CAMK4: variants seen among roughly 807,000 people sequenced by gnomAD.
CAMK4 encodes the protein calcium/calmodulin dependent protein kinase IV.
A neutral mutation model predicts 44.9 loss-of-function variants in CAMK4; 22 were observed. That is an observed-to-expected ratio of 0.49 (90% CI 0.35 to 0.70). The LOEUF (loss-of-function observed/expected upper bound fraction) is 0.70. Among genes scored for constraint, CAMK4 ranks in the 30% least tolerant of loss-of-function variants. The probability of loss-of-function intolerance (pLI) is 0.01; values close to 1 mark genes in which losing one functional copy is unlikely to be tolerated. For missense variants in CAMK4, 498 were observed against 586.8 expected (o/e 0.85, Z 1.56); for synonymous variants, 218 against 215.4 (o/e 1.01, Z -0.11).
At chr5:111,344,903 A>G (rs558781326) in intron 2 of CAMK4, among the ~76,000 whole-genome samples, 1 of 152,056 alleles carries the variant, frequency 6.6e-6, no homozygotes, top group African/African-American at 2.4e-5. Flanking sequence ...GTTTCTACTC[A>G]TAAAACCACA....
intron 1 of CAMK4, among the ~76,000 whole-genome samples, chr5:111,335,998 G>C (rs892064816): frequency 6.6e-6 from 1 of 151,140 alleles, no homozygotes; most frequent in Non-Finnish European, 1.5e-5. Flanking sequence ...CAAAACTAGA[G>C]CTCAAAAATA....
At chr5:111,354,690 C>CT (rs1750260542) in intron 2 of CAMK4, among the ~76,000 whole-genome samples, 1 of 152,008 alleles carries the variant, frequency 6.6e-6, no homozygotes, top group African/African-American at 2.4e-5. Context: ...GAGCGAGACT[C>CT]TGTCTCAAAA....
intron 4 of CAMK4, among the ~76,000 whole-genome samples, chr5:111,378,936 A>G (rs79845862): frequency 6.6e-6 from 1 of 152,276 alleles, no homozygotes; most frequent in African/African-American, 2.4e-5. Context: ...CTCCTGGCCT[A>G]GCTAATTTGG....
At chr5:111,458,471 A>C (rs116346749) in intron 7 of CAMK4, among the ~76,000 whole-genome samples, 3,508 of 152,296 alleles carry the variant, frequency 0.023, 138 homozygotes, top group African/African-American at 0.079. Context: ...TTTATTAAAT[A>C]TTTGTTGTGC....
At chr5:111,394,872 C>A in intron 5 of CAMK4, 90 bp downstream of exon 5, 2 of 823,278 alleles carry the variant, frequency 2.4e-6, no homozygotes, top group Admixed American at 2.1e-5. Flanking sequence ...CTGTGATAAG[C>A]CATACATTTT....
At position 111,468,932 on chromosome 5, in the gene CAMK4, C is replaced by T. The variant is rs950997757; in HGVS notation, c.626-4379C>T. 5.3e-5 allele frequency among the ~76,000 whole-genome samples: 8 copies of T among 151,446 alleles called. No homozygotes were observed. The East Asian group carries it at 1.2e-3, about 22-fold the overall frequency. Reference sequence around the variant, plus strand: ...GGCAGAGGTTGCAGTGAGCTGAGATCGTGCCGCTGTACTCCAGCCTGGGTG... The same window carrying T: ...GGCAGAGGTTGCAGTGAGCTGAGATTGTGCCGCTGTACTCCAGCCTGGGTG... On this transcript the variant is annotated intron_variant, in intron 7 of 10. Transcript: ENST00000282356.
chr5:111,379,685 A>G (rs1459946577), intron 4 of CAMK4, among the ~76,000 whole-genome samples: 1 of 152,138 alleles, frequency 6.6e-6, no homozygotes, highest in African/African-American at 2.4e-5. Context: ...AATTTACTTA[A>G]TTGTGATGAT....
At chr5:111,405,880 G>A (rs1422025510) in intron 5 of CAMK4, among the ~76,000 whole-genome samples, 3 of 152,150 alleles carry the variant, frequency 2.0e-5, no homozygotes, top group Non-Finnish European at 4.4e-5. Flanking sequence ...AATGAAATTT[G>A]CTAACCAACT....
intron 1 of CAMK4, among the ~76,000 whole-genome samples, chr5:111,228,993 G>A (rs1748333296): frequency 6.6e-6 from 1 of 152,238 alleles, no homozygotes; most frequent in Non-Finnish European, 1.5e-5. Flanking sequence ...CTCAGAGACT[G>A]AGAAGTGGTA....
rs113873920 is a variant in CAMK4, at chr5:111,384,586, C to A, written c.386+7644C>A. ...ACTCAGCATCCCTCTCTCAATCTCA[C>A]TCCCCTTCCCTGTGAACTGATTCAC... On this transcript the variant is annotated intron_variant, in intron 4 of 10. Transcript: ENST00000282356. 2.0e-5 allele frequency among the ~76,000 whole-genome samples: 3 copies of A among 152,290 alleles called. No individual in the cohort carries two copies. In the East Asian group the frequency reaches 5.8e-4, roughly 29 times the overall value.
chr5:111,264,254 A>G (rs1372751725), intron 1 of CAMK4, among the ~76,000 whole-genome samples: 2 of 152,022 alleles, frequency 1.3e-5, no homozygotes, highest in East Asian at 3.9e-4. Flanking sequence ...TGTGATTTGC[A>G]GTTATCTTGG....
chr5:111,446,839 G>A (rs1754047192), intron 6 of CAMK4, 63 bp downstream of exon 6: 1 of 964,964 alleles, frequency 1.0e-6, no homozygotes, highest in Non-Finnish European at 1.7e-6. Flanking sequence ...TTTACTGTGT[G>A]GAATTTTTAA....
At chr5:111,466,978 G>C (rs2112476419) in intron 7 of CAMK4, among the ~76,000 whole-genome samples, 1 of 152,238 alleles carries the variant, frequency 6.6e-6, no homozygotes, top group Admixed American at 6.5e-5. Flanking sequence ...CATGGTACTG[G>C]TATAAAAATA....
intron 5 of CAMK4, among the ~76,000 whole-genome samples, chr5:111,429,166 GA>G (rs372018186): frequency 0.013 from 1,946 of 151,322 alleles, 38 homozygotes; most frequent in African/African-American, 0.044. Flanking sequence ...AAATTAAAGT[GA>G]AAAAAAAGTG....
chr5:111,255,040 G>C (rs1249722636), intron 1 of CAMK4, among the ~76,000 whole-genome samples: 1 of 148,728 alleles, frequency 6.7e-6, no homozygotes, highest in Non-Finnish European at 1.5e-5. Flanking sequence ...GCTATACTTT[G>C]TCCAACTTTT....
chr5:111,423,273 A>G (rs559352379), intron 5 of CAMK4, among the ~76,000 whole-genome samples: 6 of 152,344 alleles, frequency 3.9e-5, no homozygotes, highest in African/African-American at 1.4e-4. Flanking sequence ...TAAAATCTAA[A>G]TAAAGATACA....
At chr5:111,445,733 C>A (rs1754002947) in intron 5 of CAMK4, among the ~76,000 whole-genome samples, 1 of 152,128 alleles carries the variant, frequency 6.6e-6, no homozygotes, top group African/African-American at 2.4e-5. Context: ...ATACAGATGT[C>A]CTGAATATTT....
intron 1 of CAMK4, among the ~76,000 whole-genome samples, chr5:111,308,416 A>C (rs932608835): frequency 6.6e-6 from 1 of 152,214 alleles, no homozygotes; most frequent in Admixed American, 6.5e-5. Flanking sequence ...TTACTAAAGA[A>C]TATTTTTGTT....
At chr5:111,373,677 A>G (rs1299125320) in intron 2 of CAMK4, among the ~76,000 whole-genome samples, 1 of 152,094 alleles carries the variant, frequency 6.6e-6, no homozygotes, top group South Asian at 2.1e-4. Flanking sequence ...GGGAGAACCC[A>G]TTTCCCATTT....
Sources: gnomAD v4.1 joint callset for allele counts (sites outside exome capture counted in the v4.1 genomes callset) on GRCh38, gnomAD v4.1.1 for gene constraint, MANE v1.5 for transcripts, NCBI Gene and HGNC (gene_info 2026-07-23, HGNC 2026-07-21) for gene names.